HIVEP2: variants seen among roughly 807,000 people sequenced by gnomAD.
HIVEP2 encodes HIVEP zinc finger 2, also known as transcription factor HIVEP2.
In HIVEP2, 14 loss-of-function variants were observed where a neutral mutation model predicts 180.7. That is an observed-to-expected ratio of 0.08 (90% confidence interval 0.05 to 0.12). The LOEUF (loss-of-function observed/expected upper bound fraction) is 0.12, where lower values mean the gene tolerates loss of function less well. Ranked by LOEUF, HIVEP2 falls within the 10% of genes least tolerant of loss-of-function variation. The pLI is 1.00. For synonymous variants in HIVEP2, 1,184 were observed against 1,136.4 expected (o/e 1.04, Z -0.84); for missense variants, 2,579 against 3,008.5 (o/e 0.86, Z 3.34).
intron 1 of HIVEP2, among the ~76,000 whole-genome samples, chr6:142,845,360 C>T (rs763089103): frequency 6.6e-6 from 1 of 152,150 alleles, no homozygotes; most frequent in Non-Finnish European, 1.5e-5. Context: ...ATTGAAGTGG[C>T]TCTTCTGAAA....
At chr6:142,768,341 C>T (rs371813468) in intron 6 of HIVEP2, 41 bp downstream of exon 6, 1 of 1,584,094 alleles carries the variant, frequency 6.3e-7, no homozygotes, top group Non-Finnish European at 8.6e-7. Flanking sequence ...TTTACTCTGA[C>T]CTATAACTGC....
At chr6:142,891,119 C>G (rs1776848975) in intron 1 of HIVEP2, among the ~76,000 whole-genome samples, 1 of 152,184 alleles carries the variant, frequency 6.6e-6, no homozygotes, top group South Asian at 2.1e-4. Context: ...AAAGCACTTT[C>G]ACTTACATGC....
chr6:142,933,238 T>C (rs1227052349), intron 1 of HIVEP2, among the ~76,000 whole-genome samples: 1 of 152,246 alleles, frequency 6.6e-6, no homozygotes, highest in Non-Finnish European at 1.5e-5. Flanking sequence ...TATTTAGAAA[T>C]ACTTACATGT....
intron 9 of HIVEP2, among the ~76,000 whole-genome samples, chr6:142,756,131 A>G (rs1775061914): frequency 6.6e-6 from 1 of 152,250 alleles, no homozygotes; most frequent in Non-Finnish European, 1.5e-5. Flanking sequence ...GTACAAATGT[A>G]CATACACAGA....
chr6:142,894,847 C>T (rs1776943135), intron 1 of HIVEP2, among the ~76,000 whole-genome samples: 1 of 152,144 alleles, frequency 6.6e-6, no homozygotes, highest in Admixed American at 6.5e-5. Context: ...AGAACCACTC[C>T]ACTACACTGT....
chr6:142,891,930 G>A (rs1776870468), intron 1 of HIVEP2, among the ~76,000 whole-genome samples: 1 of 152,114 alleles, frequency 6.6e-6, no homozygotes, highest in South Asian at 2.1e-4. Context: ...TAGAGCCTTA[G>A]GCCCTGTTTA....
chr6:142,779,865 T>C (rs956655127), intron 3 of HIVEP2, among the ~76,000 whole-genome samples: 1 of 152,070 alleles, frequency 6.6e-6, no homozygotes, highest in Non-Finnish European at 1.5e-5. Context: ...AATTCAGAAA[T>C]AATATTTTGC....
intron 1 of HIVEP2, among the ~76,000 whole-genome samples, chr6:142,921,990 GTC>G (rs1777693199): frequency 6.6e-6 from 1 of 152,126 alleles, no homozygotes; most frequent in African/African-American, 2.4e-5. Flanking sequence ...GATGCTTAAA[GTC>G]TCTTTGGGGA....
chr6:142,880,152 A>AT (rs1167392810), intron 1 of HIVEP2, among the ~76,000 whole-genome samples: 4 of 152,156 alleles, frequency 2.6e-5, no homozygotes, highest in Non-Finnish European at 5.9e-5. Context: ...CAAAGCAGGA[A>AT]TATTTCCCAG....
intron 2 of HIVEP2, among the ~76,000 whole-genome samples, chr6:142,809,658 A>T (rs1383324473): frequency 6.6e-6 from 1 of 152,070 alleles, no homozygotes; most frequent in Non-Finnish European, 1.5e-5. Flanking sequence ...CAGTGGCACG[A>T]TCTCAGCTCA....
intron 2 of HIVEP2, among the ~76,000 whole-genome samples, chr6:142,786,339 AAAAC>A (rs1325328973): frequency 6.6e-6 from 1 of 152,352 alleles, no homozygotes; most frequent in East Asian, 1.9e-4. Flanking sequence ...AATATTTAAT[AAAAC>A]AAACAAGTTT....
At chr6:142,766,262 G>C (rs1415229862) in intron 6 of HIVEP2, among the ~76,000 whole-genome samples, 1 of 152,136 alleles carries the variant, frequency 6.6e-6, no homozygotes, top group African/African-American at 2.4e-5. Flanking sequence ...ATCCAGATGA[G>C]AGTTAAGTAG....
intron 2 of HIVEP2, among the ~76,000 whole-genome samples, chr6:142,805,787 T>C (rs1172826535): frequency 6.6e-6 from 1 of 152,126 alleles, no homozygotes; most frequent in Non-Finnish European, 1.5e-5. Flanking sequence ...TGGAGGGCTC[T>C]GGTAGAGGCT....
intron 9 of HIVEP2, among the ~76,000 whole-genome samples, chr6:142,758,348 A>G (rs1025579360): frequency 1.3e-5 from 2 of 152,230 alleles, no homozygotes; most frequent in Admixed American, 1.3e-4. Context: ...GGAATGCAGC[A>G]GCTTTCCTAA....
intron 2 of HIVEP2, among the ~76,000 whole-genome samples, chr6:142,808,664 AGATGGATAGAAGGATG>A: frequency 6.8e-6 from 1 of 147,532 alleles, no homozygotes; most frequent in Non-Finnish European, 1.5e-5. Flanking sequence ...AAGGAGGGCT[AGATGGATAGAAGGATG>A]GATGAATAGA....
intron 1 of HIVEP2, among the ~76,000 whole-genome samples, chr6:142,863,689 T>A (rs991023908): frequency 2.6e-5 from 4 of 152,174 alleles, no homozygotes; most frequent in Non-Finnish European, 4.4e-5. Flanking sequence ...AATACCAAAA[T>A]CTTCACAATA....
At chr6:142,790,394 T>C (rs1467671683) in intron 2 of HIVEP2, among the ~76,000 whole-genome samples, 1 of 152,214 alleles carries the variant, frequency 6.6e-6, no homozygotes, top group Non-Finnish European at 1.5e-5. Flanking sequence ...TCCCTTAATA[T>C]GGTAGGTAAA....
rs77431016 is a variant in HIVEP2, at chr6:142,889,958, G to T, written c.-640-52911C>A. On this transcript the variant is annotated intron_variant, in intron 1 of 9. Transcript: ENST00000367603. ...TTTAGATAACCTCATGAGTCTGGGTGGCTACAGCACTGGACAGCACAGACC... is the reference window on the plus strand; with the variant it reads ...TTTAGATAACCTCATGAGTCTGGGTTGCTACAGCACTGGACAGCACAGACC... 6.7e-3 allele frequency among the ~76,000 whole-genome samples: 1,015 copies of T among 152,206 alleles called. 6 individuals carry two copies. Among genetic ancestry groups the T allele is most frequent in the Non-Finnish European group, 7.3e-3 (493 of 67,994 alleles).
intron 1 of HIVEP2, among the ~76,000 whole-genome samples, chr6:142,904,321 T>C (rs181920216): frequency 6.6e-6 from 1 of 152,302 alleles, no homozygotes; most frequent in Admixed American, 6.5e-5. Flanking sequence ...CCGGAAAAAT[T>C]AGTAATTAAC....
Sources: gnomAD v4.1 joint callset for allele counts (sites outside exome capture counted in the v4.1 genomes callset) on GRCh38, gnomAD v4.1.1 for gene constraint, MANE v1.5 for transcripts, NCBI Gene and HGNC (gene_info 2026-07-23, HGNC 2026-07-21) for gene names.